The following ATRNL1 variants were observed in gnomAD, a reference collection of about 807,000 sequenced individuals.
The protein encoded by ATRNL1 is attractin-like protein 1.
ATRNL1 carries 95 observed loss-of-function variants against 182.7 expected under a neutral mutation model. That is an observed-to-expected ratio of 0.52 (90% CI 0.44 to 0.62). ATRNL1 has a LOEUF of 0.62. Among genes scored for constraint, ATRNL1 ranks in the 20% least tolerant of loss-of-function variants. The pLI is 0.00. For synonymous variants in ATRNL1, 576 were observed against 568.3 expected (o/e 1.01, Z -0.19); for missense variants, 1,471 against 1,679.5 (o/e 0.88, Z 2.17).
intron 27 of ATRNL1, among the ~76,000 whole-genome samples, chr10:115,813,199 G>A (rs1201799025): frequency 7.2e-5 from 11 of 151,994 alleles, no homozygotes; most frequent in African/African-American, 2.2e-4. Context: ...AAACCTGCAC[G>A]TTGTGCACAT....
rs115519699 is a variant in ATRNL1 at position 115,512,479 on chromosome 10, T to C, written c.3655-6784T>C. Among the ~76,000 whole-genome samples the C allele has an allele frequency of 6.9e-3, 1,043 of 151,790 alleles. 11 individuals carry two copies. Among genetic ancestry groups the C allele is most frequent in the African/African-American group, 0.024 (987 of 41,522 alleles). On this transcript the variant is annotated intron_variant, in intron 24 of 28. Transcript: ENST00000355044. ...TGCTAAATCTTGCTATTGAATCTAT[T>C]TATTCTATAAATTTCTTGAAGTTAT...
chr10:115,174,820 G>A (rs75970516), intron 8 of ATRNL1, among the ~76,000 whole-genome samples: 1,596 of 151,988 alleles, frequency 0.011, 10 homozygotes, highest in Middle Eastern at 0.024. Flanking sequence ...TAGGGCCCTA[G>A]TAACCCTGAT....
chr10:115,908,558 T>A (rs1369699030), intron 28 of ATRNL1, among the ~76,000 whole-genome samples: 1 of 152,222 alleles, frequency 6.6e-6, no homozygotes, highest in Non-Finnish European at 1.5e-5. Context: ...TCTCTCCATC[T>A]GAAGGTCCTT....
At chr10:115,344,221 G>A (rs1855876879) in intron 19 of ATRNL1, among the ~76,000 whole-genome samples, 1 of 152,112 alleles carries the variant, frequency 6.6e-6, no homozygotes. Context: ...TCTGGATGAC[G>A]AGTTCCCTCA....
chr10:115,934,544 T>A (rs782564916), intron 28 of ATRNL1, among the ~76,000 whole-genome samples: 1 of 152,080 alleles, frequency 6.6e-6, no homozygotes, highest in Non-Finnish European at 1.5e-5. Flanking sequence ...TGAATACCAA[T>A]TGTATGCACC....
Position 115,223,937 on chromosome 10 carries a change from T to A in ATRNL1, c.1532+8057T>A, listed in dbSNP as rs1270520104. 2.1e-3 allele frequency among the ~76,000 whole-genome samples: 229 copies of A among 107,376 alleles called. 4 individuals are homozygous for A. Among genetic ancestry groups the A allele is most frequent in the African/African-American group, 8.6e-3 (196 of 22,864 alleles). The allele number at this position is 107,376 out of a possible 152,430, so 70.4% of individuals were successfully genotyped here. A position where few individuals can be genotyped will look rare whatever the true frequency, so the allele number is the denominator to read the frequency against. ...TGTATATATATATATATATTTTTTT[T>A]TTTTTTTTTTTTCTTTGAGACAGAC... On this transcript the variant is annotated intron_variant, in intron 9 of 28. Transcript: ENST00000355044.
chr10:115,627,766 A>G (rs1423168453), intron 26 of ATRNL1, among the ~76,000 whole-genome samples: 2 of 152,186 alleles, frequency 1.3e-5, no homozygotes, highest in Non-Finnish European at 2.9e-5. Context: ...TGCTAAGAAC[A>G]CGAGTGTATT....
intron 8 of ATRNL1, among the ~76,000 whole-genome samples, chr10:115,206,796 C>T (rs1848816167): frequency 6.6e-6 from 1 of 152,236 alleles, no homozygotes; most frequent in East Asian, 1.9e-4. Context: ...ATCAACTCGT[C>T]ATTTACATTA....
At chr10:115,872,378 T>C (rs1336745338) in intron 28 of ATRNL1, among the ~76,000 whole-genome samples, 2 of 152,194 alleles carry the variant, frequency 1.3e-5, no homozygotes, top group African/African-American at 4.8e-5. Flanking sequence ...ACTGTCCAAT[T>C]CCAACGTTTG....
chr10:115,791,176 G>A (rs1276925515), intron 27 of ATRNL1, among the ~76,000 whole-genome samples: 4 of 152,030 alleles, frequency 2.6e-5, no homozygotes, highest in Non-Finnish European at 4.4e-5. Context: ...TTACTCAAAT[G>A]TCACCTTTTC....
intron 25 of ATRNL1, among the ~76,000 whole-genome samples, chr10:115,545,014 T>C (rs1310584461): frequency 5.9e-5 from 9 of 152,066 alleles, no homozygotes; most frequent in African/African-American, 2.2e-4. Flanking sequence ...ATGTAATTTA[T>C]TAGAAATCAA....
At chr10:115,151,711 T>TCTTTA (rs1554880665) in intron 5 of ATRNL1, among the ~76,000 whole-genome samples, 1 of 151,498 alleles carries the variant, frequency 6.6e-6, no homozygotes, top group East Asian at 1.9e-4. Context: ...GTGCAGAAGC[T>TCTTTA]GTTTAGTTAG....
chr10:115,299,733 T>C (rs1853380078), intron 15 of ATRNL1, among the ~76,000 whole-genome samples: 1 of 152,128 alleles, frequency 6.6e-6, no homozygotes, highest in African/African-American at 2.4e-5. Context: ...TCCTACCTTA[T>C]CAGATAGATA....
chr10:115,733,356 A>G (rs1349782923), intron 27 of ATRNL1, among the ~76,000 whole-genome samples: 9 of 152,224 alleles, frequency 5.9e-5, no homozygotes, highest in African/African-American at 2.2e-4. Context: ...GTTTTCAAAA[A>G]GACACTGGAC....
At chr10:115,153,970 C>G (rs1487050141) in intron 5 of ATRNL1, among the ~76,000 whole-genome samples, 7 of 151,318 alleles carry the variant, frequency 4.6e-5, no homozygotes, top group Admixed American at 4.6e-4. Flanking sequence ...GTTATGTACC[C>G]AGTAGTCATT....
chr10:115,317,033 T>G (rs2134018513), intron 18 of ATRNL1, among the ~76,000 whole-genome samples: 1 of 152,116 alleles, frequency 6.6e-6, no homozygotes, highest in East Asian at 1.9e-4. Flanking sequence ...TCTTCTAGGG[T>G]TTTTTATGGT....
chr10:115,448,817 C>G (rs1274934813), intron 21 of ATRNL1, among the ~76,000 whole-genome samples: 1 of 151,976 alleles, frequency 6.6e-6, no homozygotes, highest in Admixed American at 6.6e-5. Flanking sequence ...ATGGCAAAAA[C>G]TGCAATTACT....
rs142775197 is a variant in ATRNL1 at position 115,840,979 on chromosome 10, A to G, written c.3904-6898A>G. Among the ~76,000 whole-genome samples, 6 of 152,294 alleles carry G rather than the reference A, an allele frequency of 3.9e-5. No homozygotes were observed. The East Asian group carries it at 1.2e-3, about 29-fold the overall frequency. ...TAATTTTGAAACTCATACATCAAGT[A>G]TAGTGGTTAGGTTGCTTTTTGCACT... On this transcript the variant is annotated intron_variant, in intron 27 of 28. Transcript: ENST00000355044.
chr10:115,463,113 A>G (rs1230151445), intron 22 of ATRNL1, among the ~76,000 whole-genome samples: 1 of 151,804 alleles, frequency 6.6e-6, no homozygotes, highest in East Asian at 1.9e-4. Flanking sequence ...CAAGTAGGTG[A>G]AATGTCTAAA....
Sources: allele counts gnomAD v4.1 joint callset (sites outside exome capture counted in the v4.1 genomes callset), GRCh38; gene constraint gnomAD v4.1.1; transcripts MANE v1.5; gene names NCBI Gene and HGNC (gene_info 2026-07-23, HGNC 2026-07-21).